CNGA1: variants seen among roughly 807,000 people sequenced by gnomAD.
CNGA1 encodes cyclic nucleotide gated channel subunit alpha 1.
In CNGA1, 53 loss-of-function variants were observed where a neutral mutation model predicts 69.7. The ratio of observed to expected loss-of-function variants is 0.76; its 90% CI spans 0.61 to 0.96. CNGA1 has a LOEUF of 0.96. CNGA1 is among the 40% of genes least tolerant of loss of function. CNGA1 has a pLI of 0.00. For synonymous variants in CNGA1, 249 were observed against 283.5 expected (o/e 0.88, Z 1.22); for missense variants, 739 against 811.2 (o/e 0.91, Z 1.08).
rs1041738522 is a variant in CNGA1, at chr4:47,965,193, C to T, written c.-14-12490G>A. Among the ~76,000 whole-genome samples the T allele has an allele frequency of 5.3e-5, 8 of 152,114 alleles. No individual in the cohort carries two copies. The South Asian group carries it at 1.5e-3, about 28-fold the overall frequency. The stretch of plus-strand genomic sequence containing the variant: ...CTTTATGAAAATGCCTCTTGATTTT[C>T]ATTCTTAAGCATGGTGTTGACCATT... On this transcript the variant is annotated intron_variant, in intron 3 of 10. Transcript: ENST00000514170.
chr4:47,937,034 A>C lies in CNGA1; in HGVS notation c.1448T>G (p.Leu483Arg). 1 of 1,614,184 alleles carries C rather than the reference A, an allele frequency of 6.2e-7. No homozygotes were observed. Among genetic ancestry groups the C allele is most frequent in the Non-Finnish European group, 8.5e-7 (1 of 1,180,034 alleles). ...CAATTTCAAGACCAACTCCACCAAC[A>C]GACCAGCTTCACAATCAGCAAAAAT... Reference protein sequence around the residue: ...VRIFADCEAGLLVELVLKLQP... With the variant: ...VRIFADCEAGRLVELVLKLQP... Residue 483 changes from leucine to arginine, a missense_variant, in exon 11 of 11, where the codon CTG (leucine) becomes CGG (arginine). Transcript: ENST00000514170.
At chr4:47,991,630 GCTGA>G (rs1198853621) in intron 2 of CNGA1, among the ~76,000 whole-genome samples, 1 of 152,162 alleles carries the variant, frequency 6.6e-6, no homozygotes, top group Non-Finnish European at 1.5e-5. Flanking sequence ...TGTTTACTCT[GCTGA>G]CTGTTCCTTT....
At chr4:48,002,078 C>T (rs996634986) in intron 2 of CNGA1, among the ~76,000 whole-genome samples, 3 of 152,096 alleles carry the variant, frequency 2.0e-5, no homozygotes, top group Non-Finnish European at 1.5e-5. Flanking sequence ...TAGCTTTAAA[C>T]ATTTGTAGTG....
chr4:47,986,744 TA>T (rs1377405090), intron 2 of CNGA1, among the ~76,000 whole-genome samples: 1 of 146,860 alleles, frequency 6.8e-6, no homozygotes, highest in Non-Finnish European at 1.5e-5. Context: ...AACAAAAAAA[TA>T]AAAAAAAGAG....
At chr4:47,971,168 TTGTGTGTG>T (rs34771990) in intron 3 of CNGA1, 136 of 385,544 alleles carry the variant, frequency 3.5e-4, no homozygotes, top group African/African-American at 1.9e-3. Context: ...ATATCTATAT[TTGTGTGTG>T]TGTGTGTGTG....
intron 2 of CNGA1, among the ~76,000 whole-genome samples, chr4:47,988,498 A>G (rs1318431936): frequency 2.0e-5 from 3 of 152,092 alleles, no homozygotes; most frequent in Non-Finnish European, 4.4e-5. Flanking sequence ...TAATAATGAG[A>G]TAAACTCCAC....
At chr4:47,987,080 G>A (rs550811485) in intron 2 of CNGA1, among the ~76,000 whole-genome samples, 10 of 150,242 alleles carry the variant, frequency 6.7e-5, no homozygotes, top group East Asian at 2.0e-4. Flanking sequence ...TTTCTTTTCC[G>A]GGTACCTGCA....
intron 6 of CNGA1, among the ~76,000 whole-genome samples, chr4:47,944,868 A>G (rs1040235899): frequency 6.6e-6 from 1 of 152,204 alleles, no homozygotes; most frequent in Non-Finnish European, 1.5e-5. Context: ...AGGTTGGTCC[A>G]GTAATTATAA....
In CNGA1 at chr4:47,936,051, C is replaced by CA. The variant is rs1391027361; in HGVS notation, c.*369_*370insT. On this transcript the variant is annotated 3_prime_UTR_variant, in exon 11 of 11. Coordinates refer to ENST00000514170, the MANE Select transcript of CNGA1 (RefSeq NM_001379270.1). The stretch of plus-strand genomic sequence containing the variant: ...CCCAAATATGATGTACATGGTAATT[C>CA]TCAGTTACTTCAAATACGCTTCACT... 1.9e-4 allele frequency: 45 copies of CA among 242,078 alleles called. No individual in the cohort carries two copies. Among genetic ancestry groups the CA allele is most frequent in the Non-Finnish European group, 3.3e-4 (41 of 124,226 alleles). 15.0% of individuals were successfully genotyped at this position (242,078 alleles called of 1,614,324 possible). A position where few individuals can be genotyped will look rare whatever the true frequency, so the allele number is the denominator to read the frequency against.
chr4:47,962,437 A>G (rs1339923309), intron 3 of CNGA1, among the ~76,000 whole-genome samples: 2 of 151,948 alleles, frequency 1.3e-5, no homozygotes, highest in African/African-American at 4.8e-5. Flanking sequence ...AAAAAAGTAT[A>G]CGTTTTTAGT....
intron 2 of CNGA1, among the ~76,000 whole-genome samples, chr4:47,989,002 A>G (rs1417349554): frequency 2.0e-5 from 3 of 152,142 alleles, no homozygotes; most frequent in Admixed American, 2.0e-4. Flanking sequence ...AGGATATTAC[A>G]TGCTAGACAC....
intron 5 of CNGA1, among the ~76,000 whole-genome samples, chr4:47,951,074 T>G (rs1345817747): frequency 6.6e-6 from 1 of 152,184 alleles, no homozygotes; most frequent in Non-Finnish European, 1.5e-5. Flanking sequence ...GTGGCAATAT[T>G]TCCCAAGAGA....
rs751394076 is a variant in CNGA1 at position 47,937,196 on chromosome 4, C to T, written c.1286G>A (p.Arg429Lys). The change falls in exon 11 of 11, where the codon AGG becomes AAG. Residue 429 changes from arginine (R) to lysine (K), a missense_variant. By Grantham distance (26) the Arg-to-Lys change is conservative. Transcript: ENST00000514170. ...CAGGTAGTCAAACCATTTAATAACC[C>T]TCTTTTCCATATCTTTGCTTACATT... is the stretch of plus-strand genomic sequence containing the variant. ...FRNVSKDMEKRVIKWFDYLWT... is the reference protein window; with the variant it reads ...FRNVSKDMEKKVIKWFDYLWT... 2 of 1,614,160 alleles carry T rather than the reference C, an allele frequency of 1.2e-6. No individual in the cohort carries two copies. Among genetic ancestry groups the T allele is most frequent in the Middle Eastern group, 1.7e-4 (1 of 6,060 alleles).
chr4:47,942,459 A>C (rs1362279496), intron 8 of CNGA1, among the ~76,000 whole-genome samples: 38 of 151,544 alleles, frequency 2.5e-4, no homozygotes, highest in Admixed American at 2.5e-3. Context: ...TCTTCTCATT[A>C]AGACCAGTCT....
chr4:47,952,368 AAAATAAATAAATAAAT>A (rs10665658), intron 4 of CNGA1, among the ~76,000 whole-genome samples, 199 bp downstream of exon 4: 96 of 144,580 alleles, frequency 6.6e-4, no homozygotes, highest in African/African-American at 2.1e-3. Flanking sequence ...ACTCCATCTC[AAAATAAATAAATAAAT>A]AAATAAATAA....
Position 47,936,399 on chromosome 4 carries a change from G to C in CNGA1, c.*22C>G. The C allele has an allele frequency of 1.2e-6, 2 of 1,611,958 alleles. No individual in the cohort carries two copies. Among genetic ancestry groups the C allele is most frequent in the Non-Finnish European group, 1.7e-6 (2 of 1,178,062 alleles). ...CAAAAGGATCATGAGGCATGTCCCT[G>C]TTAATGACCAGCTTTTCGGTTCTAT... On this transcript the variant is annotated 3_prime_UTR_variant, in exon 11 of 11. Coordinates refer to ENST00000514170, the MANE Select transcript of CNGA1 (RefSeq NM_001379270.1).
chr4:47,974,029 C>T (rs1202727014), intron 3 of CNGA1, among the ~76,000 whole-genome samples: 2 of 150,446 alleles, frequency 1.3e-5, no homozygotes, highest in African/African-American at 2.5e-5. Flanking sequence ...CCCATCAATA[C>T]AAAAAATACA....
At chr4:47,984,650 AT>A (rs367971628) in intron 2 of CNGA1, among the ~76,000 whole-genome samples, 5,629 of 90,688 alleles carry the variant, frequency 0.062, 152 homozygotes, top group Middle Eastern at 0.1. Flanking sequence ...TAAAAAAAAT[AT>A]ATATATATAT....
chr4:48,007,671 A>T (rs867301930), intron 2 of CNGA1, among the ~76,000 whole-genome samples: 59 of 6,296 alleles, frequency 9.4e-3, no homozygotes, highest in African/African-American at 0.017. Flanking sequence ...CCTTAACTTA[A>T]AAAAAAAAAT....
Sources: gnomAD v4.1 joint callset for allele counts (sites outside exome capture counted in the v4.1 genomes callset) on GRCh38, gnomAD v4.1.1 for gene constraint, MANE v1.5 for transcripts, NCBI Gene and HGNC (gene_info 2026-07-23, HGNC 2026-07-21) for gene names.